The following CACNG4 variants were observed in gnomAD, a reference collection of about 807,000 sequenced individuals.
CACNG4 encodes voltage-dependent calcium channel gamma-4 subunit.
In CACNG4, 8 loss-of-function variants were observed where a neutral mutation model predicts 22.9. That is an observed-to-expected ratio of 0.35 (90% CI 0.21 to 0.63). CACNG4 has a LOEUF of 0.63. CACNG4 is among the 30% of genes least tolerant of loss of function. CACNG4 has a pLI of 0.72. For synonymous variants in CACNG4, 188 were observed against 191.9 expected (o/e 0.98, Z 0.17); for missense variants, 357 against 455.4 (o/e 0.78, Z 1.97).
intron 3 of CACNG4, among the ~76,000 whole-genome samples, chr17:67,028,950 C>T (rs887794584): frequency 1.3e-5 from 2 of 152,206 alleles, no homozygotes; most frequent in Non-Finnish European, 2.9e-5. Flanking sequence ...ACAGAGGGCA[C>T]TTAGTGACTA....
chr17:67,029,061 G>A (rs2035585389), intron 3 of CACNG4, among the ~76,000 whole-genome samples: 1 of 152,186 alleles, frequency 6.6e-6, no homozygotes, highest in African/African-American at 2.4e-5. Flanking sequence ...GGCTGGGCGT[G>A]GTGGCTCACA....
intron 1 of CACNG4, among the ~76,000 whole-genome samples, chr17:67,017,305 G>A (rs982295149): frequency 6.6e-6 from 1 of 152,136 alleles, no homozygotes; most frequent in African/African-American, 2.4e-5. Flanking sequence ...TCGAACTCCT[G>A]GGCTTAAGCG....
intron 1 of CACNG4, among the ~76,000 whole-genome samples, chr17:66,995,352 C>G (rs1042718415): frequency 1.3e-5 from 2 of 152,170 alleles, no homozygotes; most frequent in Non-Finnish European, 1.5e-5. Context: ...TTTGTGATCA[C>G]ACGGCAGCCT....
chr17:66,974,335 CAG>C (rs1219157236), intron 1 of CACNG4, among the ~76,000 whole-genome samples: 2 of 152,182 alleles, frequency 1.3e-5, no homozygotes, highest in Non-Finnish European at 2.9e-5. Flanking sequence ...CTTCCTGAAA[CAG>C]AGGCCTAGAA....
chr17:66,975,783 GC>G (rs2035232347), intron 1 of CACNG4, among the ~76,000 whole-genome samples: 2 of 152,244 alleles, frequency 1.3e-5, no homozygotes, highest in Non-Finnish European at 2.9e-5. Flanking sequence ...GTTCTGAATG[GC>G]TCCTGTGAAC....
intron 1 of CACNG4, among the ~76,000 whole-genome samples, chr17:66,986,147 G>T (rs1395388085): frequency 6.6e-6 from 1 of 152,212 alleles, no homozygotes; most frequent in Non-Finnish European, 1.5e-5. Context: ...GAAACAGAAA[G>T]CCTCTTATGA....
rs2035158003 is a variant in CACNG4, at chr17:66,965,080, G to T, written c.169G>T (p.Ala57Ser). The T allele has an allele frequency of 1.9e-6, 3 of 1,603,934 alleles. No individual in the cohort carries two copies. ...TMDDGPPPRRARGDLTHSGLW... is the reference protein window; with the variant it reads ...TMDDGPPPRRSRGDLTHSGLW... ...GGACGACGGGCCCCCGCCCCGCCGC[G>T]CCCGCGGCGACCTCACCCACTCTGG... The change falls in exon 1 of 4, where the codon GCC becomes TCC. Residue 57 changes from alanine (A) to serine (S), a missense_variant. Transcript: ENST00000262138.
chr17:67,020,908 T>C (rs1014100460), intron 2 of CACNG4, among the ~76,000 whole-genome samples: 2 of 152,232 alleles, frequency 1.3e-5, no homozygotes, highest in African/African-American at 4.8e-5. Context: ...TTCATTCATT[T>C]AACAAGTTAT....
At chr17:66,979,806 G>C (rs2035260685) in intron 1 of CACNG4, among the ~76,000 whole-genome samples, 1 of 135,686 alleles carries the variant, frequency 7.4e-6, no homozygotes, top group Non-Finnish European at 1.5e-5. Context: ...CTGGAGTGCA[G>C]TGGCGCAATC....
intron 1 of CACNG4, among the ~76,000 whole-genome samples, chr17:67,015,962 C>T (rs1394238036): frequency 2.6e-5 from 4 of 152,208 alleles, no homozygotes; most frequent in African/African-American, 9.6e-5. Context: ...AGCCGGCCCA[C>T]TCTGGCCTTT....
chr17:66,969,293 T>C (rs1470695879), intron 1 of CACNG4, among the ~76,000 whole-genome samples: 5 of 152,188 alleles, frequency 3.3e-5, no homozygotes, highest in Non-Finnish European at 4.4e-5. Context: ...CGTGCTGCCA[T>C]CAGGAAAGCT....
rs201073226 is a variant in CACNG4, at chr17:67,024,879, C to T, written c.324C>T (p.Ser108=). ...GGCCAGGCATCGTGCGAGCCTCCAG[C>T]GTCTTCCCCATCCTCAGCACCATCC... ...EYLLRIVRAS[S]VFPILSTILL... Residue 108 remains serine (S), a synonymous_variant, in exon 3 of 4, where the codon AGC becomes AGT. Coordinates refer to ENST00000262138, the MANE Select transcript of CACNG4 (RefSeq NM_014405.4). The T allele has an allele frequency of 9.0e-5, 142 of 1,575,808 alleles. No individual in the cohort carries two copies. Among genetic ancestry groups the T allele is most frequent in the African/African-American group, 4.6e-4 (34 of 73,278 alleles).
intron 1 of CACNG4, among the ~76,000 whole-genome samples, chr17:66,991,359 A>T (rs535047933): frequency 2.6e-5 from 4 of 151,898 alleles, no homozygotes; most frequent in African/African-American, 7.3e-5. Context: ...CTTCCGAAAG[A>T]CCTCTCCTTC....
chr17:66,976,897 C>T (rs1463390867), intron 1 of CACNG4, among the ~76,000 whole-genome samples: 2 of 152,186 alleles, frequency 1.3e-5, no homozygotes, highest in Admixed American at 6.5e-5. Context: ...CTCGCTTGGA[C>T]AGCACCGCCC....
At chr17:66,996,449 G>A (rs1171481995) in intron 1 of CACNG4, among the ~76,000 whole-genome samples, 1 of 148,316 alleles carries the variant, frequency 6.7e-6, no homozygotes, top group Admixed American at 6.8e-5. Flanking sequence ...GTGTGATCTC[G>A]GCTCACTGCA....
rs140880702 is a variant in CACNG4 at position 67,027,999 on chromosome 17, G to A, written c.446-2467G>A. Among the ~76,000 whole-genome samples, 726 of 152,014 alleles carry A rather than the reference G, an allele frequency of 4.8e-3. 4 individuals carry two copies. The highest frequency in any genetic ancestry group is 0.017 in the African/African-American group (697 of 41,450). ...CACGCCACTGCACTCCAGCCTGGGC[G>A]ACAGAGCAAGACTCTGTCTCAAAAA... is the stretch of plus-strand genomic sequence containing the variant. On this transcript the variant is annotated intron_variant, in intron 3 of 3. Coordinates refer to ENST00000262138, the MANE Select transcript of CACNG4 (RefSeq NM_014405.4). The surrounding 1 kb of genome is among the most constrained non-coding windows in gnomAD (Gnocchi z 4.3).
chr17:66,985,527 A>G (rs1206990285), intron 1 of CACNG4, among the ~76,000 whole-genome samples: 2 of 152,148 alleles, frequency 1.3e-5, no homozygotes, highest in African/African-American at 4.8e-5. Context: ...CAGCCTGGGA[A>G]AGTCCCGGGG....
intron 1 of CACNG4, among the ~76,000 whole-genome samples, chr17:67,013,545 C>G (rs1168355186): frequency 1.3e-5 from 2 of 152,044 alleles, no homozygotes; most frequent in African/African-American, 4.8e-5. Flanking sequence ...TGGCTCACAC[C>G]CGTAAACCCA....
chr17:66,996,952 A>G (rs2035379204), intron 1 of CACNG4, among the ~76,000 whole-genome samples: 1 of 152,120 alleles, frequency 6.6e-6, no homozygotes, highest in Non-Finnish European at 1.5e-5. Flanking sequence ...GACAAAGGGA[A>G]CAGCCCAAGC....
Sources: gnomAD v4.1 joint callset for allele counts (sites outside exome capture counted in the v4.1 genomes callset) on GRCh38, gnomAD v4.1.1 for gene constraint, Gnocchi (gnomAD v3.1) non-coding constraint, MANE v1.5 for transcripts, NCBI Gene and HGNC (gene_info 2026-07-23, HGNC 2026-07-21) for gene names.